The following EPHB6 variants were observed in gnomAD, a reference collection of about 807,000 sequenced individuals.
The protein encoded by EPHB6 is EPH receptor B6.
A neutral mutation model predicts 107.0 loss-of-function variants in EPHB6; 51 were observed. The ratio of observed to expected loss-of-function variants is 0.48; its 90% CI spans 0.38 to 0.60. The LOEUF (loss-of-function observed/expected upper bound fraction) is 0.60, where lower values mean the gene tolerates loss of function less well. Among genes scored for constraint, EPHB6 ranks in the 20% least tolerant of loss-of-function variants. The pLI is 0.00. For synonymous variants in EPHB6, 553 were observed against 549.0 expected (o/e 1.01, Z -0.10); for missense variants, 1,141 against 1,355.5 (o/e 0.84, Z 2.48).
rs1794708618 is a variant in EPHB6, at chr7:142,868,195, C to T, written c.1919-46C>T. 10 of 1,614,098 alleles carry T rather than the reference C, an allele frequency of 6.2e-6. No homozygotes were observed. The highest frequency in any genetic ancestry group is 8.5e-6 in the Non-Finnish European group (10 of 1,179,998). On this transcript the variant is annotated intron_variant, in intron 13 of 19. Coordinates refer to ENST00000652003, the MANE Select transcript of EPHB6 (RefSeq NM_004445.6). The surrounding 1 kb of genome is among the most constrained non-coding windows in gnomAD (Gnocchi z 4.2). Reference sequence around the variant, plus strand: ...GGGCATGTCTGGGGTGCGCGGGCAGCCCTGCCTTTCACAACACGCTCATAA... The same window carrying T: ...GGGCATGTCTGGGGTGCGCGGGCAGTCCTGCCTTTCACAACACGCTCATAA...
In EPHB6 at chr7:142,855,635, A is replaced by T. The variant is rs181925295; in HGVS notation, c.-432+250A>T. Among the ~76,000 whole-genome samples the T allele has an allele frequency of 1.3e-5, 2 of 152,054 alleles. No individual in the cohort carries two copies. The highest frequency in any genetic ancestry group is 4.8e-5 in the African/African-American group (2 of 41,454). On this transcript the variant is annotated intron_variant, in intron 1 of 19. Transcript: ENST00000652003. The surrounding 1 kb of genome is among the most constrained non-coding windows in gnomAD (Gnocchi z 4.2). ...ACACCGCATTACCCTTGCTGTTAGGATCCCCCAGTTGCGTTCCCAGACATT... is the reference window on the plus strand; with the variant it reads ...ACACCGCATTACCCTTGCTGTTAGGTTCCCCCAGTTGCGTTCCCAGACATT...
rs767653757 is a variant in EPHB6 at position 142,866,674 on chromosome 7, GAGGTGACC to G, written c.1587+75_1587+82del. On this transcript the variant is annotated intron_variant, in intron 10 of 19. Transcript: ENST00000652003. This position sits in a 1 kb window ranked among gnomAD's most constrained non-coding sequence, Gnocchi z 5.2. ...CTCATAGGCCTCACAGTGGGGCCCA[GAGGTGACC>G]AGGTGCACAGGAGGAATGAGGGGTC... The G allele has an allele frequency of 1.9e-5, 31 of 1,611,258 alleles. No individual in the cohort carries two copies. The highest frequency in any genetic ancestry group is 2.5e-5 in the Non-Finnish European group (29 of 1,179,204).
chr7:142,868,057 T>C lies in EPHB6; in HGVS notation c.1918+8T>C. 6.2e-7 allele frequency: 1 copy of C among 1,605,158 alleles called. No homozygotes were observed. The highest frequency in any genetic ancestry group is 1.1e-5 in the South Asian group (1 of 89,690). The stretch of plus-strand genomic sequence containing the variant: ...AGCAATACAGCAGCCCAGGTGGGGA[T>C]GAGGAGAGGAAATGGGTGGGGCTGG... On this transcript the variant is annotated splice_region_variant and intron_variant, in intron 13 of 19. Coordinates refer to ENST00000652003, the MANE Select transcript of EPHB6 (RefSeq NM_004445.6). This position sits in a 1 kb window ranked among gnomAD's most constrained non-coding sequence, Gnocchi z 4.2.
chr7:142,870,673 A>T lies in EPHB6; in HGVS notation c.2948A>T (p.Gln983Leu). The change falls in exon 19 of 20, where the codon CAG (glutamine) becomes CTG (leucine). Residue 983 changes from glutamine (Q) to leucine (L), a missense_variant. This residue lies in a region of EPHB6 where 616 missense variants were observed against 759.3 expected (regional missense o/e 0.81). Coordinates refer to ENST00000652003, the MANE Select transcript of EPHB6 (RefSeq NM_004445.6). ...CTCTGTACCTTCAGTGATGTGGCTCAGCTCAGCCTAGAGTAAGCAGGGAGT... is the reference window on the plus strand; with the variant it reads ...CTCTGTACCTTCAGTGATGTGGCTCTGCTCAGCCTAGAGTAAGCAGGGAGT... Reference protein sequence around the residue: ...FGLCTFSDVAQLSLEDLPALG... With the variant: ...FGLCTFSDVALLSLEDLPALG... 4.3e-6 allele frequency: 7 copies of T among 1,614,214 alleles called. No homozygotes were observed. The highest frequency in any genetic ancestry group is 5.9e-6 in the Non-Finnish European group (7 of 1,180,034).
At chr7:142,862,994 C>T (rs1802915981) in intron 4 of EPHB6, 133 bp from the exon 5 acceptor site, 2 of 570,394 alleles carry the variant, frequency 3.5e-6, no homozygotes, top group Admixed American at 3.0e-5. Context: ...GCTTCTGTCC[C>T]ATGGTGGGTG....
chr7:142,864,678 G>C lies in EPHB6; in HGVS notation c.878G>C (p.Trp293Ser). The change falls in exon 7 of 20, where the codon TGG (tryptophan) becomes TCG (serine). Residue 293 changes from tryptophan (W) to serine (S), a missense_variant. Physicochemically the swap from Trp to Ser is radical, Grantham distance 177. This residue lies in a region of EPHB6 where 304 missense variants were observed against 295.7 expected (regional missense o/e 1.03). Transcript: ENST00000652003. ...CTGCACTGCAACGGGGAGGGCAAGT[G>C]GATGGTAGCTGTCGGGGGCTGCCGC... is the stretch of plus-strand genomic sequence containing the variant. ...PRLHCNGEGK[W>S]MVAVGGCRCQ... 6.2e-7 allele frequency: 1 copy of C among 1,612,968 alleles called. No homozygotes were observed. The highest frequency in any genetic ancestry group is 8.5e-7 in the Non-Finnish European group (1 of 1,180,000).
rs200611754 is a variant in EPHB6 at position 142,869,075 on chromosome 7, G to A, written c.2388G>A (p.Ser796=). The A allele has an allele frequency of 3.7e-6, 6 of 1,613,640 alleles. No homozygotes were observed. Among genetic ancestry groups the A allele is most frequent in the East Asian group, 4.5e-5 (2 of 44,884 alleles). ...YLSSFAFVHR[S]LSAHSVLVNS... ...CCAGCTTTGCCTTCGTCCATCGCTC[G>A]CTGTCTGCCCACAGCGTGCTGGTGA... The change falls in exon 16 of 20, where the codon TCG becomes TCA. Residue 796 remains serine (S), a synonymous_variant. Transcript: ENST00000652003. The surrounding 1 kb of genome is among the most constrained non-coding windows in gnomAD (Gnocchi z 4.5).
In EPHB6 at chr7:142,869,415, G is replaced by T. The variant is rs1794793658; in HGVS notation, c.2460+268G>T. 6.6e-6 allele frequency among the ~76,000 whole-genome samples: 1 copy of T among 152,156 alleles called. No individual in the cohort carries two copies. The highest frequency in any genetic ancestry group is 2.4e-5 in the African/African-American group (1 of 41,426). ...CCTCCTGCCCTTCCCCCATTGTGGA[G>T]ATTACACAGACTCCAGAGTCAGCAC... On this transcript the variant is annotated intron_variant, in intron 16 of 19. Coordinates refer to ENST00000652003, the MANE Select transcript of EPHB6 (RefSeq NM_004445.6). The surrounding 1 kb of genome is among the most constrained non-coding windows in gnomAD (Gnocchi z 4.5).
intron 1 of EPHB6, among the ~76,000 whole-genome samples, chr7:142,859,195 A>G (rs1802740412): frequency 6.6e-6 from 1 of 152,200 alleles, no homozygotes; most frequent in South Asian, 2.1e-4. Context: ...GCTGTGAGAG[A>G]GGAGCAAGGG....
chr7:142,868,584 G>C lies in EPHB6; in HGVS notation c.2131G>C (p.Glu711Gln), dbSNP rs746719988. Reference sequence around the variant, plus strand: ...CCAGGCCCTGTGGGCCGGGGGCGCCGAAAGCCTGCAGATGACCTTCCTGGG... The same window carrying C: ...CCAGGCCCTGTGGGCCGGGGGCGCCCAAAGCCTGCAGATGACCTTCCTGGG... ...AIQALWAGGA[E>Q]SLQMTFLGRA... Residue 711 changes from glutamate (E) to glutamine (Q), a missense_variant, in exon 15 of 20, where the codon GAA (glutamate) becomes CAA (glutamine). By Grantham distance (29) the Glu-to-Gln change is conservative. This residue lies in a region of EPHB6 where 616 missense variants were observed against 759.3 expected (regional missense o/e 0.81). Transcript: ENST00000652003. This position sits in a 1 kb window ranked among gnomAD's most constrained non-coding sequence, Gnocchi z 4.2. 6.2e-7 allele frequency: 1 copy of C among 1,613,436 alleles called. No individual in the cohort carries two copies. The highest frequency in any genetic ancestry group is 8.5e-7 in the Non-Finnish European group (1 of 1,179,930).
rs775320635 is a variant in EPHB6 at position 142,864,163 on chromosome 7, C to T, written c.363C>T (p.Gly121=). Residue 121 remains glycine (G), a synonymous_variant, in exon 7 of 20, where the codon GGC becomes GGT. Transcript: ENST00000652003. The part of the protein sequence containing the change: ...VRACSSLGVS[G]GTCRETFTLY... The stretch of plus-strand genomic sequence containing the variant: ...CATGCTCCAGCCTGGGTGTGAGCGG[C>T]GGCACCTGCCGGGAGACCTTCACCC... 42 of 1,613,744 alleles carry T rather than the reference C, an allele frequency of 2.6e-5. 1 individual carries two copies. The East Asian group carries it at 8.0e-4, about 31-fold the overall frequency.
In EPHB6 at chr7:142,863,700, G is replaced by A; in HGVS notation, c.165+5G>A. On this transcript the variant is annotated splice_donor_5th_base_variant and intron_variant, in intron 6 of 19. Coordinates refer to ENST00000652003, the MANE Select transcript of EPHB6 (RefSeq NM_004445.6). ...CTCACCTACCCACCAGGGGGGGTGA[G>A]TGCCACTCTAATTCTGAACCTGAAT... 1 of 1,613,730 alleles carries A rather than the reference G, an allele frequency of 6.2e-7. No homozygotes were observed. The highest frequency in any genetic ancestry group is 8.5e-7 in the Non-Finnish European group (1 of 1,179,884).
chr7:142,868,626 G>A lies in EPHB6; in HGVS notation c.2173G>A (p.Gly725Ser). Residue 725 changes from glycine to serine, a missense_variant, in exon 15 of 20, where the codon GGT (glycine) becomes AGT (serine). Physicochemically the swap from Gly to Ser is moderately conservative, Grantham distance 56. Around this residue, in one of 3 missense-constraint regions of EPHB6, gnomAD observed 616 missense variants for 759.3 expected, o/e 0.81. Transcript: ENST00000652003. The surrounding 1 kb of genome is among the most constrained non-coding windows in gnomAD (Gnocchi z 4.2). The part of the protein sequence containing the change: ...MTFLGRAAVL[G>S]QFQHPNILRL... Reference sequence around the variant, plus strand: ...CTTCCTGGGCCGGGCCGCAGTGCTGGGTCAGTTCCAGCACCCCAACATCCT... The same window carrying A: ...CTTCCTGGGCCGGGCCGCAGTGCTGAGTCAGTTCCAGCACCCCAACATCCT... 1 of 1,613,856 alleles carries A rather than the reference G, an allele frequency of 6.2e-7. No homozygotes were observed. Among genetic ancestry groups the A allele is most frequent in the Non-Finnish European group, 8.5e-7 (1 of 1,180,020 alleles).
Position 142,870,510 on chromosome 7 carries a change from G to T in EPHB6, c.2805-20G>T, listed in dbSNP as rs370336326. ...AAGATGAAGAGGAGACCTTGACCCT[G>T]CTTGCCCCTCCCCTCTTAGGCCTTC... On this transcript the variant is annotated intron_variant, in intron 18 of 19. Coordinates refer to ENST00000652003, the MANE Select transcript of EPHB6 (RefSeq NM_004445.6). 1 of 1,614,084 alleles carries T rather than the reference G, an allele frequency of 6.2e-7. No homozygotes were observed.
rs1802819268 is a variant in EPHB6 at position 142,861,078 on chromosome 7, T to A, written c.-405T>A. On this transcript the variant is annotated 5_prime_UTR_variant, in exon 2 of 20. Transcript: ENST00000652003. ...AATAAAGGGATTATAGTCCACCCAA[T>A]TCACAGACTTCTGAGACTCAGACAC... is the stretch of plus-strand genomic sequence containing the variant. The A allele has an allele frequency of 6.6e-6, 1 of 152,120 alleles. No individual in the cohort carries two copies. The highest frequency in any genetic ancestry group is 1.5e-5 in the Non-Finnish European group (1 of 68,016). The allele number at this position is 152,120 out of a possible 1,614,324, so 9.4% of individuals were successfully genotyped here. A position where few individuals can be genotyped will look rare whatever the true frequency, so the allele number is the denominator to read the frequency against.
Position 142,866,418 on chromosome 7 carries a change from C to A in EPHB6, c.1463-63C>A, listed in dbSNP as rs1044633198. On this transcript the variant is annotated intron_variant, in intron 9 of 19. Transcript: ENST00000652003. The surrounding 1 kb of genome is among the most constrained non-coding windows in gnomAD (Gnocchi z 5.2). ...CCTGGTCCACCCCTGCCGCCCTCCC[C>A]TCAAGGCTGATCCTGCTCCCAGGGA... 3.7e-6 allele frequency: 6 copies of A among 1,612,874 alleles called. No individual in the cohort carries two copies. In the African/African-American group the frequency reaches 6.7e-5, roughly 18 times the overall value.
At position 142,865,975 on chromosome 7, in the gene EPHB6, C is replaced by A; in HGVS notation, c.1121C>A (p.Pro374His). The A allele has an allele frequency of 6.2e-7, 1 of 1,613,964 alleles. No individual in the cohort carries two copies. Among genetic ancestry groups the A allele is most frequent in the Non-Finnish European group, 8.5e-7 (1 of 1,180,024 alleles). ...EAPCTGPPSA[P>H]QELWFEVQGS... ...GGCCCCCCAGGTCCTCCATCGGCTC[C>A]CCAGGAGCTTTGGTTTGAGGTGCAA... The change falls in exon 9 of 20, where the codon CCC becomes CAC. Residue 374 changes from proline (P) to histidine (H), a missense_variant. Pro to His is a moderately conservative substitution (Grantham distance 77). Around this residue, in one of 3 missense-constraint regions of EPHB6, gnomAD observed 304 missense variants for 295.7 expected, o/e 1.03. Coordinates refer to ENST00000652003, the MANE Select transcript of EPHB6 (RefSeq NM_004445.6).
rs2116411073 is a variant in EPHB6 at position 142,863,670 on chromosome 7, G to A, written c.140G>A (p.Gly47Asp). 2 of 1,613,930 alleles carry A rather than the reference G, an allele frequency of 1.2e-6. No individual in the cohort carries two copies. The highest frequency in any genetic ancestry group is 1.7e-6 in the Non-Finnish European group (2 of 1,180,002). Residue 47 changes from glycine (G) to aspartate (D), a missense_variant, in exon 6 of 20, where the codon GGC (glycine) becomes GAC (aspartate). Gly to Asp is a moderately conservative substitution (Grantham distance 94, BLOSUM62 -1). This residue lies in a region of EPHB6 where 221 missense variants were observed against 300.5 expected (regional missense o/e 0.74). Transcript: ENST00000652003. ...LDTTGETSEI[G>D]WLTYPPGGWD... is the part of the protein sequence containing the mutation. The stretch of plus-strand genomic sequence containing the variant: ...ACCACCGGAGAGACATCTGAGATTG[G>A]CTGGCTCACCTACCCACCAGGGGGG...
In EPHB6 at chr7:142,867,260, T is replaced by C. The variant is rs1345176787; in HGVS notation, c.1750+192T>C. On this transcript the variant is annotated intron_variant, in intron 11 of 19. Transcript: ENST00000652003. This position sits in a 1 kb window ranked among gnomAD's most constrained non-coding sequence, Gnocchi z 5.3. The stretch of plus-strand genomic sequence containing the variant: ...GGAGGTGGGGAATTGTAGGGGTATG[T>C]ATGCATGTTGAGTGTGGATATAGGA... The C allele has an allele frequency of 1.3e-5, 9 of 686,026 alleles. 1 individual carries two copies. The East Asian group carries it at 2.4e-4, about 19-fold the overall frequency. 42.5% of individuals were successfully genotyped at this position (686,026 alleles called of 1,614,324 possible).
Sources: gnomAD v4.1 joint callset for allele counts (sites outside exome capture counted in the v4.1 genomes callset) on GRCh38, gnomAD v4.1.1 for gene constraint, gnomAD v4.1.1 regional missense constraint, Gnocchi (gnomAD v3.1) non-coding constraint, MANE v1.5 for transcripts, NCBI Gene and HGNC (gene_info 2026-07-23, HGNC 2026-07-21) for gene names.